DLGAP1: variants seen among roughly 807,000 people sequenced by gnomAD.
The protein encoded by DLGAP1 is DLG associated protein 1.
In DLGAP1, 11 loss-of-function variants were observed where a neutral mutation model predicts 90.8. The ratio of observed to expected loss-of-function variants is 0.12; its 90% CI spans 0.08 to 0.20. The LOEUF (loss-of-function observed/expected upper bound fraction) is 0.20, where lower values mean the gene tolerates loss of function less well. Ranked by LOEUF, DLGAP1 falls within the 10% of genes least tolerant of loss-of-function variation. The probability of loss-of-function intolerance (pLI) is 1.00; values close to 1 mark genes in which losing one functional copy is unlikely to be tolerated. For synonymous variants in DLGAP1, 558 were observed against 540.7 expected (o/e 1.03, Z -0.44); for missense variants, 1,050 against 1,333.8 (o/e 0.79, Z 3.31).
intron 9 of DLGAP1, among the ~76,000 whole-genome samples, chr18:3,537,240 A>G (rs1555672411): frequency 6.6e-6 from 1 of 152,162 alleles, no homozygotes; most frequent in Non-Finnish European, 1.5e-5. Context: ...CTGTGCACCC[A>G]TGAAATGCTA....
intron 7 of DLGAP1, among the ~76,000 whole-genome samples, chr18:3,596,183 C>T (rs944598431): frequency 1.3e-5 from 2 of 151,698 alleles, no homozygotes; most frequent in African/African-American, 4.8e-5. Flanking sequence ...TTTTTAAGAC[C>T]GTGTCTTACT....
chr18:3,934,648 T>C (rs1336386821), intron 3 of DLGAP1, among the ~76,000 whole-genome samples: 1 of 152,168 alleles, frequency 6.6e-6, no homozygotes, highest in Non-Finnish European at 1.5e-5. Flanking sequence ...TTAAGAGTAA[T>C]GGCAGACAGC....
At chr18:4,359,381 A>G (rs1156511461) in intron 1 of DLGAP1, among the ~76,000 whole-genome samples, 2 of 152,208 alleles carry the variant, frequency 1.3e-5, no homozygotes, top group Non-Finnish European at 2.9e-5. Flanking sequence ...ATCGCTGAAG[A>G]TACAGGGACA....
chr18:3,730,354 A>G (rs532945990), intron 6 of DLGAP1, among the ~76,000 whole-genome samples: 14 of 152,304 alleles, frequency 9.2e-5, no homozygotes, highest in African/African-American at 2.2e-4. Context: ...TTGGAAAAAA[A>G]TCTTTGAAAT....
intron 7 of DLGAP1, among the ~76,000 whole-genome samples, chr18:3,649,184 C>A (rs754569997): frequency 6.6e-6 from 1 of 152,336 alleles, no homozygotes; most frequent in Non-Finnish European, 1.5e-5. Flanking sequence ...TTGATGAAAT[C>A]AGTCTTCAGT....
intron 3 of DLGAP1, among the ~76,000 whole-genome samples, chr18:3,961,990 C>G (rs532661984): frequency 1.3e-5 from 2 of 152,110 alleles, no homozygotes; most frequent in Non-Finnish European, 2.9e-5. Flanking sequence ...GTAAAGGATC[C>G]CTTCGCCGTG....
At chr18:4,438,925 T>C (rs2083463759) in intron 1 of DLGAP1, among the ~76,000 whole-genome samples, 1 of 152,202 alleles carries the variant, frequency 6.6e-6, no homozygotes, top group Non-Finnish European at 1.5e-5. Context: ...ATGGGTAAAC[T>C]GAGACCCTGA....
At chr18:4,438,285 G>A (rs2083450190) in intron 1 of DLGAP1, among the ~76,000 whole-genome samples, 1 of 151,990 alleles carries the variant, frequency 6.6e-6, no homozygotes, top group African/African-American at 2.4e-5. Context: ...GTTATCATCT[G>A]ATGGGTCCTA....
intron 4 of DLGAP1, 21 bp from the exon 5 acceptor site, chr18:3,814,294 T>C: frequency 1.3e-6 from 2 of 1,597,068 alleles, no homozygotes; most frequent in Non-Finnish European, 1.7e-6. Context: ...AGAAAACAGA[T>C]AAATCACTTT....
intron 9 of DLGAP1, among the ~76,000 whole-genome samples, chr18:3,547,115 C>A (rs1170290506): frequency 6.6e-6 from 1 of 151,852 alleles, no homozygotes; most frequent in Admixed American, 6.6e-5. Flanking sequence ...TCCTGGCTAA[C>A]AGGGTGAAAC....
At chr18:4,196,562 G>C (rs980064930) in intron 1 of DLGAP1, among the ~76,000 whole-genome samples, 8 of 152,226 alleles carry the variant, frequency 5.3e-5, no homozygotes, top group Non-Finnish European at 8.8e-5. Context: ...TGGACAGAAA[G>C]ATTTATTACT....
At chr18:3,652,450 C>T (rs1417091041) in intron 7 of DLGAP1, among the ~76,000 whole-genome samples, 1 of 152,154 alleles carries the variant, frequency 6.6e-6, no homozygotes, top group East Asian at 1.9e-4. Context: ...ACTTCAGACT[C>T]CCAAGTAGCT....
At chr18:4,379,693 T>C (rs1230801887) in intron 1 of DLGAP1, among the ~76,000 whole-genome samples, 2 of 152,160 alleles carry the variant, frequency 1.3e-5, no homozygotes, top group Non-Finnish European at 2.9e-5. Flanking sequence ...TAAAGTGTTG[T>C]ATTTCTTCAA....
chr18:3,904,974 T>G (rs1177430898), intron 3 of DLGAP1, among the ~76,000 whole-genome samples: 1 of 151,572 alleles, frequency 6.6e-6, no homozygotes, highest in East Asian at 1.9e-4. Context: ...ACCTTGGCCC[T>G]ATTATTCATT....
At chr18:4,154,771 GT>G (rs1386036310) in intron 1 of DLGAP1, among the ~76,000 whole-genome samples, 2 of 152,062 alleles carry the variant, frequency 1.3e-5, no homozygotes, top group East Asian at 3.9e-4. Flanking sequence ...CTTTAGCCAG[GT>G]TAGTATGAGG....
intron 10 of DLGAP1, among the ~76,000 whole-genome samples, chr18:3,524,084 C>A (rs1428862627): frequency 6.6e-6 from 1 of 152,076 alleles, no homozygotes; most frequent in African/African-American, 2.4e-5. Context: ...GCCCAGGCAA[C>A]ATAGTGAGAT....
At chr18:4,213,249 T>G (rs1245930254) in intron 1 of DLGAP1, among the ~76,000 whole-genome samples, 1 of 152,056 alleles carries the variant, frequency 6.6e-6, no homozygotes, top group African/African-American at 2.4e-5. Context: ...ATTGAAGGGT[T>G]TGGAGGAGCA....
At chr18:3,914,823 C>T (rs1245731015) in intron 3 of DLGAP1, among the ~76,000 whole-genome samples, 1 of 152,160 alleles carries the variant, frequency 6.6e-6, no homozygotes, top group East Asian at 1.9e-4. Context: ...AGTTTTGGCT[C>T]ACAGCAACCT....
chr18:3,568,721 T>C (rs1256347654), intron 8 of DLGAP1, among the ~76,000 whole-genome samples: 3 of 152,016 alleles, frequency 2.0e-5, no homozygotes, highest in South Asian at 2.1e-4. Flanking sequence ...GAGTCTCACT[T>C]TGTTACCCAG....
Sources: gnomAD v4.1 joint callset for allele counts (sites outside exome capture counted in the v4.1 genomes callset) on GRCh38, gnomAD v4.1.1 for gene constraint, MANE v1.5 for transcripts, NCBI Gene and HGNC (gene_info 2026-07-23, HGNC 2026-07-21) for gene names.